The following SNTG2 variants were observed in gnomAD, a reference collection of about 807,000 sequenced individuals.
SNTG2 encodes syntrophin gamma 2.
SNTG2 carries 74 observed loss-of-function variants against 70.9 expected under a neutral mutation model. The observed-to-expected ratio is 1.04, with a 90% CI of 0.86 to 1.27. SNTG2 has a LOEUF of 1.27. Ranked by LOEUF, SNTG2 falls within the 50% of genes most tolerant of loss-of-function variation. The pLI, the probability that SNTG2 is intolerant of heterozygous loss-of-function variation, is 0.00. For synonymous variants in SNTG2, 278 were observed against 273.8 expected, an observed-to-expected ratio of 1.02 and a Z score of -0.15; for missense variants, 717 against 690.7, an observed-to-expected ratio of 1.04 and a Z score of -0.43.
chr2:1,208,583 C>T (rs534487919), intron 8 of SNTG2, among the ~76,000 whole-genome samples: 7 of 152,228 alleles, frequency 4.6e-5, no homozygotes, highest in East Asian at 1.9e-4. Flanking sequence ...GGCTTCCTGT[C>T]GAGAGCCGCA....
intron 1 of SNTG2, among the ~76,000 whole-genome samples, chr2:1,072,946 A>G (rs1254418713): frequency 6.6e-6 from 1 of 152,234 alleles, no homozygotes; most frequent in African/African-American, 2.4e-5. Flanking sequence ...AGAAATAGCA[A>G]GAAAACTAGA....
chr2:1,244,232 A>G (rs1398186996), intron 11 of SNTG2, among the ~76,000 whole-genome samples: 2 of 152,244 alleles, frequency 1.3e-5, no homozygotes, highest in African/African-American at 2.4e-5. Flanking sequence ...AGGGACCTGC[A>G]GAAGGGGATG....
intron 1 of SNTG2, among the ~76,000 whole-genome samples, chr2:1,082,717 T>C (rs530060371): frequency 1.3e-5 from 2 of 152,334 alleles, no homozygotes; most frequent in Admixed American, 6.5e-5. Context: ...GCATAACTGC[T>C]ATCCTGTGGG....
At chr2:1,267,289 C>A in intron 13 of SNTG2, 76 bp from the exon 14 acceptor site, 1 of 1,378,066 alleles carries the variant, frequency 7.3e-7, no homozygotes, top group Non-Finnish European at 1.0e-6. Context: ...ACGCTGCCTT[C>A]TCCCCACACC....
At chr2:1,087,697 C>G (rs1279668935) in intron 2 of SNTG2, among the ~76,000 whole-genome samples, 1 of 152,178 alleles carries the variant, frequency 6.6e-6, no homozygotes, top group South Asian at 2.1e-4. Context: ...ATGTACTAAT[C>G]GAGTCAGTCT....
chr2:1,319,578 G>C (rs1047019386), intron 16 of SNTG2, among the ~76,000 whole-genome samples: 1 of 152,196 alleles, frequency 6.6e-6, no homozygotes, highest in Non-Finnish European at 1.5e-5. Flanking sequence ...GTGACCCGAG[G>C]GCCCTGGGCA....
At chr2:1,330,101 G>A (rs1344053816) in intron 16 of SNTG2, among the ~76,000 whole-genome samples, 10 of 152,242 alleles carry the variant, frequency 6.6e-5, no homozygotes, top group Admixed American at 3.3e-4. Flanking sequence ...CTGCTGTTCC[G>A]CCATCAGGCT....
intron 8 of SNTG2, among the ~76,000 whole-genome samples, chr2:1,175,264 G>T (rs955926202): frequency 6.6e-6 from 1 of 152,174 alleles, no homozygotes; most frequent in Non-Finnish European, 1.5e-5. Flanking sequence ...GAGCGCAGGC[G>T]TGTGCTGCTG....
intron 9 of SNTG2, among the ~76,000 whole-genome samples, chr2:1,235,745 CCT>C (rs546087359): frequency 6.6e-6 from 1 of 152,360 alleles, no homozygotes; most frequent in African/African-American, 2.4e-5. Context: ...GGCACCACCC[CCT>C]GTTCCTCCCC....
intron 9 of SNTG2, among the ~76,000 whole-genome samples, chr2:1,237,673 C>T (rs777399490): frequency 1.3e-5 from 2 of 152,206 alleles, no homozygotes; most frequent in African/African-American, 4.8e-5. Flanking sequence ...CATGTTTCAT[C>T]GAATTAGAAG....
chr2:1,225,602 G>A (rs1372460131), intron 9 of SNTG2, among the ~76,000 whole-genome samples: 1 of 152,112 alleles, frequency 6.6e-6, no homozygotes, highest in African/African-American at 2.4e-5. Context: ...AAACATTGAC[G>A]GGCGGCTCTT....
chr2:1,185,176 G>A (rs2147924010), intron 8 of SNTG2, among the ~76,000 whole-genome samples: 1 of 152,272 alleles, frequency 6.6e-6, no homozygotes, highest in East Asian at 1.9e-4. Flanking sequence ...CTCACATCCA[G>A]GCCACTCTGA....
intron 1 of SNTG2, among the ~76,000 whole-genome samples, chr2:1,063,092 C>G (rs1461920467): frequency 2.0e-5 from 3 of 152,174 alleles, no homozygotes; most frequent in Non-Finnish European, 4.4e-5. Context: ...ACTGTAGTAA[C>G]CACTGTAAAC....
chr2:1,250,653 C>T (rs1243987584), intron 12 of SNTG2, among the ~76,000 whole-genome samples: 1 of 151,496 alleles, frequency 6.6e-6, no homozygotes, highest in Non-Finnish European at 1.5e-5. Context: ...CTTCTCTGCC[C>T]TCTTTGCTCC....
At chr2:1,329,905 A>C (rs949800818) in intron 16 of SNTG2, among the ~76,000 whole-genome samples, 3 of 152,220 alleles carry the variant, frequency 2.0e-5, no homozygotes, top group African/African-American at 7.2e-5. Context: ...TAGTGACTAA[A>C]CAAAGAAAAG....
chr2:1,116,572 G>A (rs532933719), intron 4 of SNTG2, among the ~76,000 whole-genome samples: 3 of 150,696 alleles, frequency 2.0e-5, no homozygotes, highest in Admixed American at 2.0e-4. Context: ...GTATGTGGGT[G>A]CCCTGGTGTA....
chr2:1,171,837 G>A (rs556566941), intron 7 of SNTG2, among the ~76,000 whole-genome samples: 8 of 152,238 alleles, frequency 5.3e-5, no homozygotes, highest in East Asian at 1.9e-4. Context: ...ATGGTAACTC[G>A]CTGAACGTTG....
At chr2:1,291,540 G>A (rs1343113072) in intron 14 of SNTG2, among the ~76,000 whole-genome samples, 3 of 152,150 alleles carry the variant, frequency 2.0e-5, no homozygotes, top group Admixed American at 2.0e-4. Flanking sequence ...TGTAAGATAA[G>A]GGTTCCACTT....
chr2:978,610 C>G (rs1468581010), intron 1 of SNTG2, among the ~76,000 whole-genome samples: 2 of 152,154 alleles, frequency 1.3e-5, no homozygotes, highest in East Asian at 3.9e-4. Context: ...CCTTCTGCCC[C>G]TGTGATTCAT....
Sources: gnomAD v4.1 joint callset for allele counts (sites outside exome capture counted in the v4.1 genomes callset) on GRCh38, gnomAD v4.1.1 for gene constraint, MANE v1.5 for transcripts, NCBI Gene and HGNC (gene_info 2026-07-23, HGNC 2026-07-21) for gene names.